BAHCC1: variants seen among roughly 807,000 people sequenced by gnomAD.
BAHCC1 encodes BAH and coiled-coil domain-containing protein 1.
BAHCC1 carries 43 observed loss-of-function variants against 88.2 expected under a neutral mutation model. The ratio of observed to expected loss-of-function variants is 0.49; its 90% CI spans 0.38 to 0.63. BAHCC1 has a LOEUF of 0.63. Among genes scored for constraint, BAHCC1 ranks in the 20% least tolerant of loss-of-function variants. The pLI is 0.00. For synonymous variants in BAHCC1, 1,510 were observed against 745.5 expected (o/e 2.03, Z -16.71); for missense variants, 3,023 against 1,654.8 (o/e 1.83, Z -14.34).
intron 11 of BAHCC1, chr17:81,451,292 C>G (rs1555655704): frequency 4.4e-6 from 1 of 227,392 alleles, no homozygotes; most frequent in Non-Finnish European, 8.6e-6. Flanking sequence ...CCAGAGTATC[C>G]CTTCCCAGGG....
At position 81,440,136 on chromosome 17, in the gene BAHCC1, G is replaced by A. The variant is rs150946239; in HGVS notation, c.481+1644G>A. ...CTCCTCACCCCACACCCCAGCTCCT[G>A]TGGACGGGCTCTGCTGCCCAGAGGA... On this transcript the variant is annotated intron_variant, in intron 4 of 27. Coordinates refer to ENST00000675386, the MANE Select transcript of BAHCC1 (RefSeq NM_001377448.1). 4.6e-3 allele frequency among the ~76,000 whole-genome samples: 707 copies of A among 152,310 alleles called. 5 individuals are homozygous for A. Among genetic ancestry groups the A allele is most frequent in the Non-Finnish European group, 6.6e-3 (451 of 68,018 alleles).
At position 81,457,585 on chromosome 17, in the gene BAHCC1, G is replaced by A. The variant is rs782084475; in HGVS notation, c.5034G>A (p.Gly1678=). ...CCAAGAAGAAGAAGGAGAGGCAGGG[G>A]TTGCTAGGTAACCAGGAGGGAGGAC... is the stretch of plus-strand genomic sequence containing the variant. ...QKAKKKKERQ[G]LLGACRLSSP... is the part of the protein sequence containing the mutation. The change falls in exon 17 of 28, where the codon GGG becomes GGA. Residue 1678 remains glycine (G), a synonymous_variant. Transcript: ENST00000675386. 8.2e-6 allele frequency: 6 copies of A among 735,576 alleles called. No individual in the cohort carries two copies. The South Asian group carries it at 8.7e-5, about 11-fold the overall frequency. The allele number at this position is 735,576 out of a possible 1,614,324, so 45.6% of individuals were successfully genotyped here. A position where few individuals can be genotyped will look rare whatever the true frequency, so the allele number is the denominator to read the frequency against.
In BAHCC1 at chr17:81,461,729, C is replaced by T. The variant is rs376631110; in HGVS notation, c.7066C>T (p.Leu2356=). ...CAGCTCAGACGACGAGGACCCGGCT[C>T]TGCTGCTGCAGACCTGCCTCACCCA... ...SYSSDDEDPA[L]LLQTCLTHPV... is the part of the protein sequence containing the mutation. Residue 2356 remains leucine, a synonymous_variant, in exon 26 of 28, where the codon CTG becomes TTG. Coordinates refer to ENST00000675386, the MANE Select transcript of BAHCC1 (RefSeq NM_001377448.1). The T allele has an allele frequency of 1.6e-4, 114 of 718,552 alleles. No homozygotes were observed. The African/African-American group carries it at 1.9e-3, about 12-fold the overall frequency. 44.5% of individuals were successfully genotyped at this position (718,552 alleles called of 1,614,324 possible).
intron 9 of BAHCC1, 53 bp from the exon 10 acceptor site, chr17:81,445,301 C>T (rs1193279143): frequency 9.5e-6 from 7 of 736,090 alleles, no homozygotes; most frequent in African/African-American, 6.9e-5. Flanking sequence ...GCAGGGGGCC[C>T]ACTGGGGTCA....
Position 81,462,764 on chromosome 17 carries a change from C to G in BAHCC1, c.7408C>G (p.Arg2470Gly), listed in dbSNP as rs782697283. The G allele has an allele frequency of 2.6e-6, 2 of 771,068 alleles. No homozygotes were observed. The highest frequency in any genetic ancestry group is 2.4e-6 in the Non-Finnish European group (1 of 412,042). The allele number at this position is 771,068 out of a possible 1,614,324, so 47.8% of individuals were successfully genotyped here. A position where few individuals can be genotyped will look rare whatever the true frequency, so the allele number is the denominator to read the frequency against. Residue 2470 changes from arginine (R) to glycine (G), a missense_variant, in exon 27 of 28, where the codon CGG becomes GGG. Transcript: ENST00000675386. ...GCGGCGTGGCATGAAGGGGAAGGCC[C>G]GGAAGCTGTTCTACAAGGCCATCGT... ...TQRRGMKGKA[R>G]KLFYKAIVRG...
intron 6 of BAHCC1, 117 bp downstream of exon 6, chr17:81,444,034 C>T (rs980149189): frequency 2.0e-5 from 13 of 646,864 alleles, no homozygotes; most frequent in South Asian, 3.4e-5. Context: ...ATTCTATGGC[C>T]GGCCGTGGGT....
Position 81,457,417 on chromosome 17 carries a change from C to A in BAHCC1, c.4866C>A (p.Gly1622=). ...CCTCTGCCTCTCTCCCAGGCAGTGG[C>A]TATGACAGTGAGGACTGCGAGGGTC... The part of the protein sequence containing the change: ...SVAASQEAGS[G]YDSEDCEGLL... Residue 1622 remains glycine, a synonymous_variant, in exon 17 of 28, where the codon GGC becomes GGA. Coordinates refer to ENST00000675386, the MANE Select transcript of BAHCC1 (RefSeq NM_001377448.1). 1 of 770,034 alleles carries A rather than the reference C, an allele frequency of 1.3e-6. No individual in the cohort carries two copies. Among genetic ancestry groups the A allele is most frequent in the Non-Finnish European group, 2.4e-6 (1 of 413,816 alleles). The allele number at this position is 770,034 out of a possible 1,614,324, so 47.7% of individuals were successfully genotyped here.
intron 25 of BAHCC1, 36 bp from the exon 26 acceptor site, chr17:81,460,830 C>T: frequency 1.3e-6 from 1 of 767,282 alleles, no homozygotes; most frequent in East Asian, 2.4e-5. Flanking sequence ...TTTGTGGGCC[C>T]AGCTGGGGCT....
intron 3 of BAHCC1, among the ~76,000 whole-genome samples, chr17:81,429,480 G>T: frequency 6.6e-6 from 1 of 152,222 alleles, no homozygotes; most frequent in East Asian, 1.9e-4. Context: ...CAGGGCCGGC[G>T]GGCCAGGGTG....
At position 81,411,754 on chromosome 17, in the gene BAHCC1, C is replaced by G; in HGVS notation, c.178+11837C>G. Reference sequence around the variant, plus strand: ...GCATAGTCCTTGAGCTCTGGGGGCCCCAACCCAGCCTCCCTGGGTCTCTGG... The same window carrying G: ...GCATAGTCCTTGAGCTCTGGGGGCCGCAACCCAGCCTCCCTGGGTCTCTGG... On this transcript the variant is annotated intron_variant, in intron 2 of 27. Transcript: ENST00000675386. This position sits in a 1 kb window ranked among gnomAD's most constrained non-coding sequence, Gnocchi z 6.2. 7.9e-6 allele frequency: 2 copies of G among 254,058 alleles called. No individual in the cohort carries two copies. Among genetic ancestry groups the G allele is most frequent in the South Asian group, 7.3e-5 (2 of 27,408 alleles). The allele number at this position is 254,058 out of a possible 1,614,324, so 15.7% of individuals were successfully genotyped here.
intron 4 of BAHCC1, among the ~76,000 whole-genome samples, chr17:81,441,571 A>G (rs2064415887): frequency 6.7e-6 from 1 of 148,944 alleles, no homozygotes; most frequent in African/African-American, 2.5e-5. Context: ...CTGAGACAGG[A>G]GAATGGCGTG....
At chr17:81,440,203 A>G (rs755782437) in intron 4 of BAHCC1, among the ~76,000 whole-genome samples, 1 of 152,150 alleles carries the variant, frequency 6.6e-6, no homozygotes, top group South Asian at 2.1e-4. Context: ...CGTCAGCCCC[A>G]GCGCGTGCAG....
At position 81,442,244 on chromosome 17, in the gene BAHCC1, C is replaced by A; in HGVS notation, c.895C>A (p.Leu299Ile). 1.6e-6 allele frequency: 1 copy of A among 632,182 alleles called. No homozygotes were observed. The highest frequency in any genetic ancestry group is 1.9e-5 in the African/African-American group (1 of 52,978). 39.2% of individuals were successfully genotyped at this position (632,182 alleles called of 1,614,324 possible). A position where few individuals can be genotyped will look rare whatever the true frequency, so the allele number is the denominator to read the frequency against. ...CAACGGCGAGATGGGCAGGGCTGCG[C>A]TAGCCAGCTGTGCAGGGGGCATGCT... ...VLNGEMGRAA[L>I]ASCAGGMLGR... Residue 299 changes from leucine to isoleucine, a missense_variant, in exon 5 of 28, where the codon CTA (leucine) becomes ATA (isoleucine). Leu to Ile is a conservative substitution (Grantham distance 5). Coordinates refer to ENST00000675386, the MANE Select transcript of BAHCC1 (RefSeq NM_001377448.1).
intron 3 of BAHCC1, among the ~76,000 whole-genome samples, chr17:81,436,570 C>G (rs2064339255): frequency 6.6e-6 from 1 of 152,202 alleles, no homozygotes; most frequent in Non-Finnish European, 1.5e-5. Context: ...AGGCCCTGCC[C>G]CTTGCCCTGC....
chr17:81,451,418 A>T (rs886713809), intron 11 of BAHCC1, among the ~76,000 whole-genome samples: 1 of 152,112 alleles, frequency 6.6e-6, no homozygotes. Context: ...GCTCTGTGAC[A>T]CAGAGGACCC....
At chr17:81,397,417 C>A (rs2063757414) in intron 1 of BAHCC1, among the ~76,000 whole-genome samples, 1 of 151,036 alleles carries the variant, frequency 6.6e-6, no homozygotes, top group South Asian at 2.1e-4. Context: ...AAAAAACAAC[C>A]ACAAAACAAA....
At chr17:81,403,475 CA>C (rs1329999206) in intron 2 of BAHCC1, among the ~76,000 whole-genome samples, 2 of 71,100 alleles carry the variant, frequency 2.8e-5, no homozygotes, top group Non-Finnish European at 6.2e-5. Context: ...TTCCTACCGC[CA>C]ATCTCAAAAA....
rs549419005 is a variant in BAHCC1 at position 81,445,347 on chromosome 17, C to T, written c.2836-7C>T. On this transcript the variant is annotated splice_region_variant and splice_polypyrimidine_tract_variant and intron_variant, in intron 9 of 27. Coordinates refer to ENST00000675386, the MANE Select transcript of BAHCC1 (RefSeq NM_001377448.1). The stretch of plus-strand genomic sequence containing the variant: ...AGCCTGACCGAGCTTGCCCCCATCC[C>T]TGACAGCGGAAGCCCGAAGACCAGC... The T allele has an allele frequency of 1.3e-6, 1 of 771,282 alleles. No homozygotes were observed. Among genetic ancestry groups the T allele is most frequent in the East Asian group, 2.5e-5 (1 of 40,772 alleles). The allele number at this position is 771,282 out of a possible 1,614,324, so 47.8% of individuals were successfully genotyped here.
rs12939225 is a variant in BAHCC1 at position 81,442,408 on chromosome 17, A to C, written c.1059A>C (p.Pro353=). 4 of 691,354 alleles carry C rather than the reference A, an allele frequency of 5.8e-6. No individual in the cohort carries two copies. Among genetic ancestry groups the C allele is most frequent in the Non-Finnish European group, 1.1e-5 (4 of 374,236 alleles). 42.8% of individuals were successfully genotyped at this position (691,354 alleles called of 1,614,324 possible). ...ACCACACCGCATCCTACGCCGGGCC[A>C]CCCCCGCCCCTCAGCACAGCCGCCG... is the stretch of plus-strand genomic sequence containing the variant. ...MLHHTASYAG[P]PPPLSTAAGS... is the part of the protein sequence containing the mutation. The change falls in exon 5 of 28, where the codon CCA becomes CCC. Residue 353 remains proline, a synonymous_variant. Transcript: ENST00000675386.
Sources: allele counts gnomAD v4.1 joint callset (sites outside exome capture counted in the v4.1 genomes callset), GRCh38; gene constraint gnomAD v4.1.1; non-coding constraint Gnocchi (gnomAD v3.1); transcripts MANE v1.5; gene names NCBI Gene and HGNC (gene_info 2026-07-23, HGNC 2026-07-21).